The following EPB41L4B variants were observed in gnomAD, a reference collection of about 807,000 sequenced individuals.
The protein encoded by EPB41L4B is band 4.1-like protein 4B.
In EPB41L4B, 30 loss-of-function variants were observed where a neutral mutation model predicts 112.5. The ratio of observed to expected loss-of-function variants is 0.27; its 90% CI spans 0.20 to 0.36. The LOEUF is 0.36. EPB41L4B is among the 10% of genes least tolerant of loss of function. The pLI, the probability that EPB41L4B is intolerant of heterozygous loss-of-function variation, is 1.00. For synonymous variants in EPB41L4B, 408 were observed against 439.7 expected (o/e 0.93, Z 0.90); for missense variants, 1,024 against 1,133.3 (o/e 0.90, Z 1.38).
At chr9:109,221,169 T>C (rs535772619) in intron 15 of EPB41L4B, among the ~76,000 whole-genome samples, 23 of 151,888 alleles carry the variant, frequency 1.5e-4, no homozygotes, top group Non-Finnish European at 2.5e-4. Flanking sequence ...TTTAAAAACA[T>C]GGAGACCTTT....
At chr9:109,177,826 A>G (rs180675011) in intron 24 of EPB41L4B, among the ~76,000 whole-genome samples, 1 of 151,624 alleles carries the variant, frequency 6.6e-6, no homozygotes, top group Admixed American at 6.6e-5. Flanking sequence ...GTCTCAAAAA[A>G]AAAAAAAAGT....
At chr9:109,271,550 A>G (rs1369880748) in intron 2 of EPB41L4B, among the ~76,000 whole-genome samples, 1 of 152,204 alleles carries the variant, frequency 6.6e-6, no homozygotes, top group African/African-American at 2.4e-5. Context: ...TTTATCCCAC[A>G]AGACCACCTT....
chr9:109,178,885 T>C (rs1588113851), intron 24 of EPB41L4B, among the ~76,000 whole-genome samples: 1 of 116,584 alleles, frequency 8.6e-6, no homozygotes, highest in East Asian at 2.8e-4. Flanking sequence ...GTGTTCTTGA[T>C]TGCCATATAC....
At chr9:109,238,492 T>C (rs564249556) in intron 15 of EPB41L4B, among the ~76,000 whole-genome samples, 5 of 152,320 alleles carry the variant, frequency 3.3e-5, no homozygotes, top group Non-Finnish European at 7.3e-5. Flanking sequence ...GAATGTGGAA[T>C]AATCCATTTG....
chr9:109,320,588 G>A lies in EPB41L4B; in HGVS notation c.-142C>T, dbSNP rs976527667. 4 of 297,382 alleles carry A rather than the reference G, an allele frequency of 1.3e-5. No individual in the cohort carries two copies. Among genetic ancestry groups the A allele is most frequent in the Non-Finnish European group, 1.9e-5 (4 of 205,578 alleles). 18.4% of individuals were successfully genotyped at this position (297,382 alleles called of 1,614,324 possible). On this transcript the variant is annotated 5_prime_UTR_variant, in exon 1 of 26. Coordinates refer to ENST00000374566, the MANE Select transcript of EPB41L4B (RefSeq NM_019114.5). ...CCGCCTCTCGCGGGCTACGGCCCGG[G>A]GCAAGCCCGCGCCGAGGCCGAGGCC...
intron 1 of EPB41L4B, among the ~76,000 whole-genome samples, chr9:109,281,126 CTTTT>C (rs377524946): frequency 7.5e-5 from 10 of 133,708 alleles, no homozygotes; most frequent in Admixed American, 7.6e-5. Flanking sequence ...AAATGTGAGA[CTTTT>C]TTTTTTTTTT....
chr9:109,246,546 A>G (rs1477534481), intron 14 of EPB41L4B, among the ~76,000 whole-genome samples: 1 of 152,210 alleles, frequency 6.6e-6, no homozygotes, highest in Non-Finnish European at 1.5e-5. Context: ...GAATGGTGGG[A>G]AGAAATTATG....
intron 15 of EPB41L4B, among the ~76,000 whole-genome samples, chr9:109,225,654 A>G (rs985455768): frequency 6.6e-6 from 1 of 152,198 alleles, no homozygotes; most frequent in African/African-American, 2.4e-5. Flanking sequence ...GGGCGAGGAC[A>G]CAGCCAAACC....
At chr9:109,206,399 T>G (rs1311610465) in intron 18 of EPB41L4B, among the ~76,000 whole-genome samples, 3 of 152,230 alleles carry the variant, frequency 2.0e-5, no homozygotes, top group Non-Finnish European at 4.4e-5. Context: ...ACCAGGCTAC[T>G]CTCAAACTCC....
chr9:109,182,942 A>C, intron 23 of EPB41L4B, 145 bp from the exon 24 acceptor site: 1 of 638,566 alleles, frequency 1.6e-6, no homozygotes, highest in Non-Finnish European at 2.8e-6. Flanking sequence ...GGCACATACA[A>C]AGGGTCCCTC....
At chr9:109,197,923 A>G (rs542759468) in intron 20 of EPB41L4B, among the ~76,000 whole-genome samples, 1 of 152,300 alleles carries the variant, frequency 6.6e-6, no homozygotes, top group Non-Finnish European at 1.5e-5. Context: ...ACATGATTAC[A>G]TCTCTCAAAT....
At chr9:109,239,947 C>T in intron 15 of EPB41L4B, 4 of 985,376 alleles carry the variant, frequency 4.1e-6, no homozygotes, top group Non-Finnish European at 4.8e-6. Context: ...AGAGTTGCCC[C>T]AGATGAAGAA....
intron 5 of EPB41L4B, 141 bp from the exon 6 acceptor site, chr9:109,263,243 A>T (rs893846943): frequency 3.2e-6 from 2 of 627,596 alleles, no homozygotes; most frequent in East Asian, 5.7e-5. Flanking sequence ...TGTCTACATT[A>T]AAGAATGCAA....
At chr9:109,183,268 C>A (rs958574192) in intron 23 of EPB41L4B, among the ~76,000 whole-genome samples, 1 of 152,158 alleles carries the variant, frequency 6.6e-6, no homozygotes, top group African/African-American at 2.4e-5. Flanking sequence ...TACAAGGCGG[C>A]TGGGCTAATT....
intron 15 of EPB41L4B, among the ~76,000 whole-genome samples, chr9:109,220,136 A>G (rs1833521726): frequency 1.3e-5 from 2 of 152,222 alleles, no homozygotes; most frequent in African/African-American, 4.8e-5. Context: ...GGTTTTTCCA[A>G]TTAATAACCC....
chr9:109,307,180 T>C (rs765418274), intron 1 of EPB41L4B: 22 of 461,794 alleles, frequency 4.8e-5, no homozygotes, highest in Non-Finnish European at 8.5e-5. Context: ...AATTCTATTA[T>C]AGTACATACA....
intron 4 of EPB41L4B, among the ~76,000 whole-genome samples, chr9:109,265,522 T>C (rs1283732895): frequency 1.1e-5 from 1 of 93,666 alleles, no homozygotes; most frequent in Middle Eastern, 5.4e-3. Flanking sequence ...TGCAGACTCT[T>C]TTAAAACACA....
intron 14 of EPB41L4B, among the ~76,000 whole-genome samples, chr9:109,246,626 G>A (rs1041081837): frequency 6.6e-6 from 1 of 152,240 alleles, no homozygotes; most frequent in Non-Finnish European, 1.5e-5. Context: ...GAAATAAATA[G>A]AGAAGTTGGA....
intron 16 of EPB41L4B, among the ~76,000 whole-genome samples, chr9:109,215,574 G>C (rs1833332770): frequency 6.6e-6 from 1 of 152,010 alleles, no homozygotes. Flanking sequence ...TACAACCTCT[G>C]CCTCCAAGTT....
Sources: gnomAD v4.1 joint callset for allele counts (sites outside exome capture counted in the v4.1 genomes callset) on GRCh38, gnomAD v4.1.1 for gene constraint, MANE v1.5 for transcripts, NCBI Gene and HGNC (gene_info 2026-07-23, HGNC 2026-07-21) for gene names.